Variants in LRP3 observed in about 807,000 individuals in gnomAD.
LRP3 encodes low-density lipoprotein receptor-related protein 3.
A neutral mutation model predicts 58.5 loss-of-function variants in LRP3; 49 were observed. That is an observed-to-expected ratio of 0.84 (90% CI 0.67 to 1.06). LRP3 has a LOEUF of 1.06. Among genes scored for constraint, LRP3 ranks in the 50% least tolerant of loss-of-function variants. The probability of loss-of-function intolerance (pLI) is 0.00; values close to 1 mark genes in which losing one functional copy is unlikely to be tolerated. For synonymous variants in LRP3, 485 were observed against 492.2 expected (o/e 0.99, Z 0.20); for missense variants, 1,019 against 1,134.2 (o/e 0.90, Z 1.46).
At chr19:33,194,954 G>GC in intron 1 of LRP3, 96 bp downstream of exon 1, 4 of 555,078 alleles carry the variant, frequency 7.2e-6, no homozygotes, top group East Asian at 7.4e-5. Flanking sequence ...GGCATCCCGA[G>GC]CCCCCCACCG....
At chr19:33,196,418 C>T (rs1047722581) in intron 1 of LRP3, among the ~76,000 whole-genome samples, 2 of 152,200 alleles carry the variant, frequency 1.3e-5, no homozygotes, top group Admixed American at 6.5e-5. Context: ...AATAACCAGG[C>T]ATAGTGGTGC....
rs779298285 is a variant in LRP3 at position 33,206,067 on chromosome 19, C to G, written c.1297C>G (p.Pro433Ala). 1 of 1,606,428 alleles carries G rather than the reference C, an allele frequency of 6.2e-7. No individual in the cohort carries two copies. The highest frequency in any genetic ancestry group is 1.1e-5 in the South Asian group (1 of 90,306). The change falls in exon 5 of 7, where the codon CCT becomes GCT. Residue 433 changes from proline (P) to alanine (A), a missense_variant. Pro to Ala is a conservative substitution (Grantham distance 27, BLOSUM62 -1). This residue lies in a region of LRP3 where 592 missense variants were observed against 725.5 expected (regional missense o/e 0.82). Coordinates refer to ENST00000253193, the MANE Select transcript of LRP3 (RefSeq NM_002333.4). ...CEGGSGLCYT[P>A]ADRCNNQKSC... ...GGGTGGCAGTGGTCTGTGCTACACG[C>G]CTGCCGACCGCTGCAACAACCAGAA...
In LRP3 at chr19:33,205,644, C is replaced by A. The variant is rs200753315; in HGVS notation, c.874C>A (p.Arg292=). ...GTGGCTGGTGGACACACAGGACTCCCGGCGGGTGCTGCTGCAGCTGGAACT... is the reference window on the plus strand; with the variant it reads ...GTGGCTGGTGGACACACAGGACTCCAGGCGGGTGCTGCTGCAGCTGGAACT... The part of the protein sequence containing the change: ...CTWLVDTQDS[R]RVLLQLELRL... The change falls in exon 5 of 7, where the codon CGG becomes AGG. Residue 292 remains arginine (R), a synonymous_variant. Coordinates refer to ENST00000253193, the MANE Select transcript of LRP3 (RefSeq NM_002333.4). The A allele has an allele frequency of 1.2e-6, 2 of 1,610,296 alleles. No individual in the cohort carries two copies. Among genetic ancestry groups the A allele is most frequent in the Non-Finnish European group, 1.7e-6 (2 of 1,179,422 alleles).
At position 33,208,538 on chromosome 19, in the gene LRP3, C is replaced by T. The variant is rs954191821; in HGVS notation, c.*963C>T. 19 of 360,282 alleles carry T rather than the reference C, an allele frequency of 5.3e-5. No individual in the cohort carries two copies. Among genetic ancestry groups the T allele is most frequent in the Middle Eastern group, 8.9e-4 (1 of 1,128 alleles). 22.3% of individuals were successfully genotyped at this position (360,282 alleles called of 1,614,324 possible). ...CGCCTGTGTCAAGCAGCAAAGCCCC[C>T]TAATGTCAAGAGCCTCCTCCAGGGC... On this transcript the variant is annotated 3_prime_UTR_variant, in exon 7 of 7. Coordinates refer to ENST00000253193, the MANE Select transcript of LRP3 (RefSeq NM_002333.4). The surrounding 1 kb of genome is among the most constrained non-coding windows in gnomAD (Gnocchi z 4.7).
At position 33,205,471 on chromosome 19, in the gene LRP3, G is replaced by A; in HGVS notation, c.701G>A (p.Cys234Tyr). The A allele has an allele frequency of 6.3e-7, 1 of 1,585,198 alleles. No homozygotes were observed. The highest frequency in any genetic ancestry group is 8.6e-7 in the Non-Finnish European group (1 of 1,167,856). Residue 234 changes from cysteine (C) to tyrosine (Y), a missense_variant, in exon 5 of 7, where the codon TGT becomes TAT. This residue lies in a region of LRP3 where 592 missense variants were observed against 725.5 expected (regional missense o/e 0.82). Coordinates refer to ENST00000253193, the MANE Select transcript of LRP3 (RefSeq NM_002333.4). ...CGCTGCCTGCCTGTGGAGCGGCGCT[G>A]TGACGGCTTGCAGGACTGCGGCGAC... ...STRCLPVERR[C>Y]DGLQDCGDGS...
rs571448010 is a variant in LRP3, at chr19:33,208,761, A to G, written c.*1186A>G. 942 of 1,309,608 alleles carry G rather than the reference A, an allele frequency of 7.2e-4. 14 individuals carry two copies. The South Asian group carries it at 0.012, about 16-fold the overall frequency. The allele number at this position is 1,309,608 out of a possible 1,614,324, so 81.1% of individuals were successfully genotyped here. On this transcript the variant is annotated 3_prime_UTR_variant, in exon 7 of 7. Coordinates refer to ENST00000253193, the MANE Select transcript of LRP3 (RefSeq NM_002333.4). The surrounding 1 kb of genome is among the most constrained non-coding windows in gnomAD (Gnocchi z 4.7). Reference sequence around the variant, plus strand: ...AGTCCACATTTTAGGGCTTCCTTAAACAGGCTTCTGAGAGTCGTATCTTTT... The same window carrying G: ...AGTCCACATTTTAGGGCTTCCTTAAGCAGGCTTCTGAGAGTCGTATCTTTT...
chr19:33,196,328 G>T (rs1410235262), intron 1 of LRP3, among the ~76,000 whole-genome samples: 1 of 152,196 alleles, frequency 6.6e-6, no homozygotes, highest in Non-Finnish European at 1.5e-5. Flanking sequence ...CAAGGCAAGA[G>T]AATTGCTGGA....
Position 33,207,483 on chromosome 19 carries a change from T to TCGC in LRP3, c.2223_2225dup (p.Pro742dup), listed in dbSNP as rs778312248. ...TGCCAGCAGCACCCTGGGCCCCCAC[T>TCGC]CGCCAGAGCCACTGGGGGTCTGCAG... On this transcript the variant is annotated inframe_insertion, in exon 7 of 7. Coordinates refer to ENST00000253193, the MANE Select transcript of LRP3 (RefSeq NM_002333.4). 2 of 1,600,798 alleles carry TCGC rather than the reference T, an allele frequency of 1.2e-6. No homozygotes were observed. The highest frequency in any genetic ancestry group is 2.2e-5 in the East Asian group (1 of 44,556).
At position 33,205,935 on chromosome 19, in the gene LRP3, C is replaced by G. The variant is rs115891522; in HGVS notation, c.1165C>G (p.Gln389Glu). 6.0e-4 allele frequency: 955 copies of G among 1,597,358 alleles called. 4 individuals are homozygous for G. In the African/African-American group the frequency reaches 0.011, roughly 19 times the overall value. Residue 389 changes from glutamine (Q) to glutamate (E), a missense_variant, in exon 5 of 7, where the codon CAG becomes GAG. Around this residue, in one of 2 missense-constraint regions of LRP3, gnomAD observed 592 missense variants for 725.5 expected, o/e 0.82. Transcript: ENST00000253193. ...CAGTGACGGGGGCAGCCTGGGCGAC[C>G]AGGGCTGCTTCTCAGAGCCACAGCG... ...SDSDGGSLGD[Q>E]GCFSEPQRCD...
In LRP3 at chr19:33,207,462, A is replaced by G; in HGVS notation, c.2200A>G (p.Ser734Gly). The part of the protein sequence containing the change: ...QDPHPQVSTA[S>G]STLGPHSPEP... ...CCCGCACCCCCAGGTCTCCACTGCC[A>G]GCAGCACCCTGGGCCCCCACTCGCC... Residue 734 changes from serine (S) to glycine (G), a missense_variant, in exon 7 of 7, where the codon AGC (serine) becomes GGC (glycine). This residue lies in a region of LRP3 where 427 missense variants were observed against 408.6 expected (regional missense o/e 1.04). Coordinates refer to ENST00000253193, the MANE Select transcript of LRP3 (RefSeq NM_002333.4). 1 of 1,599,816 alleles carries G rather than the reference A, an allele frequency of 6.3e-7. No homozygotes were observed. Among genetic ancestry groups the G allele is most frequent in the Non-Finnish European group, 8.5e-7 (1 of 1,176,986 alleles).
rs1038806956 is a variant in LRP3, at chr19:33,194,570, G to A, written c.-216G>A. ...GGGCCCGTGACGCCGCGGCCGATGT[G>A]GCCGCGCGCGCCCTACGGGCCTGCA... On this transcript the variant is annotated 5_prime_UTR_variant, in exon 1 of 7. The change creates a premature stop within an existing upstream ORF in the 5' untranslated region. Transcript: ENST00000253193. The A allele has an allele frequency of 6.8e-6, 1 of 147,896 alleles. No individual in the cohort carries two copies. Among genetic ancestry groups the A allele is most frequent in the African/African-American group, 2.5e-5 (1 of 40,722 alleles). The allele number at this position is 147,896 out of a possible 1,614,324, so 9.2% of individuals were successfully genotyped here.
chr19:33,202,927 G>T lies in LRP3; in HGVS notation c.201G>T (p.Pro67=), dbSNP rs1284169882. 1.2e-6 allele frequency: 2 copies of T among 1,612,022 alleles called. No homozygotes were observed. The highest frequency in any genetic ancestry group is 1.7e-5 in the Admixed American group (1 of 59,822). The change falls in exon 3 of 7, where the codon CCG becomes CCT. Residue 67 remains proline (P), a synonymous_variant. Transcript: ENST00000253193. ...IYSPAWPLNY[P]PGTNCSWYIQ... The stretch of plus-strand genomic sequence containing the variant: ...GCCCGGCCTGGCCCCTCAACTACCC[G>T]CCAGGCACCAACTGCAGCTGGTACA...
rs1380683784 is a variant in LRP3 at position 33,207,344 on chromosome 19, G to A, written c.2082G>A (p.Arg694=). Residue 694 remains arginine (R), a synonymous_variant, in exon 7 of 7, where the codon AGG becomes AGA. Transcript: ENST00000253193. ...CGGGCCTGCGAGACCCAGAGTGCAG[G>A]CCCGTGGACAAGGACAGAAAGGTCT... The part of the protein sequence containing the change: ...LPSGLRDPEC[R]PVDKDRKVCR... The A allele has an allele frequency of 6.3e-7, 1 of 1,585,482 alleles. No homozygotes were observed. The highest frequency in any genetic ancestry group is 8.5e-7 in the Non-Finnish European group (1 of 1,172,524).
intron 2 of LRP3, among the ~76,000 whole-genome samples, chr19:33,200,398 A>AT (rs58061897): frequency 0.81 from 122,843 of 151,970 alleles, 50,328 homozygotes; most frequent in Middle Eastern, 0.93. Context: ...CGCCTGGCTA[A>AT]TTTTATACTT....
intron 2 of LRP3, among the ~76,000 whole-genome samples, chr19:33,201,571 G>A (rs1974341976): frequency 6.6e-6 from 1 of 152,186 alleles, no homozygotes; most frequent in Non-Finnish European, 1.5e-5. Flanking sequence ...CTGAGAACCA[G>A]AGAGAACTTG....
rs372645682 is a variant in LRP3 at position 33,205,468 on chromosome 19, G to A, written c.698G>A (p.Arg233His). The change falls in exon 5 of 7, where the codon CGC becomes CAC. Residue 233 changes from arginine (R) to histidine (H), a missense_variant. By Grantham distance (29) the Arg-to-His change is conservative (BLOSUM62 0). Transcript: ENST00000253193. ...RSTRCLPVER[R>H]CDGLQDCGDG... The stretch of plus-strand genomic sequence containing the variant: ...ACGCGCTGCCTGCCTGTGGAGCGGC[G>A]CTGTGACGGCTTGCAGGACTGCGGC... 43 of 1,584,630 alleles carry A rather than the reference G, an allele frequency of 2.7e-5. No individual in the cohort carries two copies. Among genetic ancestry groups the A allele is most frequent in the East Asian group, 4.5e-5 (2 of 44,320 alleles).
intron 6 of LRP3, 28 bp from the exon 7 acceptor site, chr19:33,206,960 C>A: frequency 9.8e-6 from 14 of 1,430,718 alleles, no homozygotes; most frequent in Non-Finnish European, 1.3e-5. Flanking sequence ...GCCGCATCCC[C>A]CCGCCCCTAC....
At position 33,196,731 on chromosome 19, in the gene LRP3, G is replaced by A. The variant is rs758797176; in HGVS notation, c.75G>A (p.Val25=). ...ARAQLAVVCL[V]NIFLTGRLSS... is the part of the protein sequence containing the mutation. The stretch of plus-strand genomic sequence containing the variant: ...ACCCTTTCTTTGTATCTCCCACAGT[G>A]AACATCTTTCTCACCGGGAGACTCA... The change falls in exon 2 of 7, where the codon GTG becomes GTA. Residue 25 remains valine (V), a splice_region_variant and synonymous_variant. Coordinates refer to ENST00000253193, the MANE Select transcript of LRP3 (RefSeq NM_002333.4). 1.2e-6 allele frequency: 2 copies of A among 1,614,174 alleles called. No homozygotes were observed. Among genetic ancestry groups the A allele is most frequent in the South Asian group, 2.2e-5 (2 of 91,084 alleles).
At chr19:33,196,435 G>A (rs1431988933) in intron 1 of LRP3, among the ~76,000 whole-genome samples, 1 of 152,246 alleles carries the variant, frequency 6.6e-6, no homozygotes, top group Non-Finnish European at 1.5e-5. Flanking sequence ...GTGCACACCT[G>A]TAGTTCCAGC....
Sources: gnomAD v4.1 joint callset for allele counts (sites outside exome capture counted in the v4.1 genomes callset) on GRCh38, gnomAD v4.1.1 for gene constraint, gnomAD v4.1.1 regional missense constraint, Gnocchi (gnomAD v3.1) non-coding constraint, MANE v1.5 for transcripts, NCBI Gene and HGNC (gene_info 2026-07-23, HGNC 2026-07-21) for gene names.